SPECC1: variants seen among roughly 807,000 people sequenced by gnomAD.
SPECC1 encodes the protein sperm antigen with calponin homology and coiled-coil domains 1.
Under a neutral mutation model 104.1 loss-of-function variants are expected in SPECC1, and 62 were observed. The observed-to-expected ratio is 0.60, with a 90% CI of 0.49 to 0.74. The LOEUF (loss-of-function observed/expected upper bound fraction) is 0.74, where lower values mean the gene tolerates loss of function less well. Ranked by LOEUF, SPECC1 falls within the 30% of genes least tolerant of loss-of-function variation. SPECC1 has a pLI of 0.00. For synonymous variants in SPECC1, 513 were observed against 501.6 expected, an observed-to-expected ratio of 1.02 and a Z score of -0.30; for missense variants, 1,306 against 1,310.5, an observed-to-expected ratio of 1.00 and a Z score of 0.05.
intron 12 of SPECC1, among the ~76,000 whole-genome samples, chr17:20,296,639 C>G (rs992913534): frequency 6.6e-5 from 10 of 152,244 alleles, no homozygotes; most frequent in Admixed American, 3.3e-4. Flanking sequence ...GATATTGATT[C>G]TTCCTATCCA....
chr17:20,070,123 C>G (rs2046495456), intron 1 of SPECC1, among the ~76,000 whole-genome samples: 1 of 152,104 alleles, frequency 6.6e-6, no homozygotes, highest in Non-Finnish European at 1.5e-5. Flanking sequence ...GCCTAATTGT[C>G]CAGACTAAAA....
intron 12 of SPECC1, among the ~76,000 whole-genome samples, chr17:20,294,672 G>C (rs1299854578): frequency 6.6e-6 from 1 of 150,928 alleles, no homozygotes; most frequent in Admixed American, 6.6e-5. Flanking sequence ...ACTGATGATG[G>C]TGGTGGGGAT....
rs1158779197 is a variant in SPECC1 at position 20,288,392 on chromosome 17, AAAC to A, written c.2941-8564_2941-8562del. On this transcript the variant is annotated intron_variant, in intron 12 of 14. Coordinates refer to ENST00000395527, the MANE Select transcript of SPECC1 (RefSeq NM_001243439.2). ...ACTTAAACAAATTTAGAAGAAAAAAAAACAACATCCCCATTAAAAAGTGGGCAA... is the reference window on the plus strand; with the variant it reads ...ACTTAAACAAATTTAGAAGAAAAAAAAACATCCCCATTAAAAAGTGGGCAA... 2.6e-5 allele frequency among the ~76,000 whole-genome samples: 4 copies of A among 152,344 alleles called. No homozygotes were observed. The South Asian group carries it at 8.3e-4, about 32-fold the overall frequency.
chr17:20,222,354 A>G (rs1352854077), intron 4 of SPECC1, among the ~76,000 whole-genome samples: 1 of 152,192 alleles, frequency 6.6e-6, no homozygotes, highest in Non-Finnish European at 1.5e-5. Flanking sequence ...AGTTTCAGGA[A>G]TTATTTTGTG....
intron 1 of SPECC1, among the ~76,000 whole-genome samples, chr17:20,013,540 C>T (rs973613724): frequency 3.3e-5 from 5 of 152,112 alleles, no homozygotes; most frequent in African/African-American, 7.2e-5. Context: ...CTTGCTCTAT[C>T]GTCCAGGCTG....
intron 12 of SPECC1, among the ~76,000 whole-genome samples, chr17:20,278,745 T>C (rs1442747205): frequency 6.6e-6 from 1 of 151,456 alleles, no homozygotes; most frequent in Non-Finnish European, 1.5e-5. Context: ...GTTCTTACCA[T>C]GAGTTAGCCT....
intron 7 of SPECC1, 50 bp from the exon 8 acceptor site, chr17:20,245,876 C>A (rs1193415891): frequency 6.2e-7 from 1 of 1,600,440 alleles, no homozygotes; most frequent in Non-Finnish European, 8.6e-7. Flanking sequence ...CTTTTTCTCC[C>A]ATGGGGATGT....
At chr17:20,159,451 T>G (rs997627990) in intron 3 of SPECC1, among the ~76,000 whole-genome samples, 1 of 152,180 alleles carries the variant, frequency 6.6e-6, no homozygotes, top group African/African-American at 2.4e-5. Context: ...GAGAGTCTCT[T>G]TAAAGAGTAA....
intron 2 of SPECC1, among the ~76,000 whole-genome samples, chr17:20,104,604 G>A (rs1175413234): frequency 6.6e-6 from 1 of 151,832 alleles, no homozygotes; most frequent in Non-Finnish European, 1.5e-5. Context: ...TTAGCTGGGT[G>A]TGGGGGCACG....
chr17:20,222,535 T>C (rs1227226668), intron 4 of SPECC1, among the ~76,000 whole-genome samples: 3 of 152,224 alleles, frequency 2.0e-5, no homozygotes, highest in East Asian at 3.8e-4. Flanking sequence ...TATTAACTTT[T>C]TGTTGTTGTC....
At chr17:20,176,519 G>A (rs906077802) in intron 3 of SPECC1, among the ~76,000 whole-genome samples, 1 of 152,166 alleles carries the variant, frequency 6.6e-6, no homozygotes, top group Non-Finnish European at 1.5e-5. Context: ...TACAAATTTA[G>A]TGGATTCAAA....
chr17:20,126,313 T>C (rs1248757858), intron 3 of SPECC1: 1 of 152,134 alleles, frequency 6.6e-6, no homozygotes, highest in East Asian at 1.9e-4. Context: ...TTTTGTTGAG[T>C]TTATGCCTTT....
chr17:20,286,050 G>A (rs2040934210), intron 12 of SPECC1, among the ~76,000 whole-genome samples: 1 of 152,144 alleles, frequency 6.6e-6, no homozygotes, highest in African/African-American at 2.4e-5. Flanking sequence ...TTGGGCTTAA[G>A]CACCTCCTGC....
At chr17:20,266,737 C>T (rs974951141) in intron 12 of SPECC1, among the ~76,000 whole-genome samples, 21 of 152,098 alleles carry the variant, frequency 1.4e-4, no homozygotes, top group African/African-American at 4.3e-4. Context: ...GTTGTATTGC[C>T]GTGGAGAGAA....
At chr17:20,156,192 C>G in intron 3 of SPECC1, 1 of 1,446,158 alleles carries the variant, frequency 6.9e-7, no homozygotes, top group Non-Finnish European at 9.1e-7. Context: ...CCGAGTCGGC[C>G]AAGCATGGGC....
At chr17:20,011,043 A>G (rs966761704) in intron 1 of SPECC1, among the ~76,000 whole-genome samples, 2 of 152,232 alleles carry the variant, frequency 1.3e-5, no homozygotes, top group Non-Finnish European at 2.9e-5. Flanking sequence ...TGGATTGTTC[A>G]CATCAATAAG....
chr17:20,271,444 G>A (rs1400466431), intron 12 of SPECC1, among the ~76,000 whole-genome samples: 2 of 151,776 alleles, frequency 1.3e-5, no homozygotes, highest in Non-Finnish European at 2.9e-5. Context: ...GATTAGCCAT[G>A]TAGTAGTATA....
At chr17:20,276,505 C>T (rs1482493223) in intron 12 of SPECC1, among the ~76,000 whole-genome samples, 3 of 152,164 alleles carry the variant, frequency 2.0e-5, no homozygotes, top group African/African-American at 7.2e-5. Flanking sequence ...CTGAAAATTC[C>T]TCTAACAGGG....
At chr17:20,277,771 C>T (rs867286593) in intron 12 of SPECC1, among the ~76,000 whole-genome samples, 8 of 151,972 alleles carry the variant, frequency 5.3e-5, no homozygotes, top group Middle Eastern at 3.4e-3. Flanking sequence ...ACCACCGTTC[C>T]GCTTCGTCTC....
Sources: gnomAD v4.1 joint callset for allele counts (sites outside exome capture counted in the v4.1 genomes callset) on GRCh38, gnomAD v4.1.1 for gene constraint, MANE v1.5 for transcripts, NCBI Gene and HGNC (gene_info 2026-07-23, HGNC 2026-07-21) for gene names.